The following SCARB2 variants were observed in gnomAD, a reference collection of about 807,000 sequenced individuals.
SCARB2 encodes the protein scavenger receptor class B member 2, also known as lysosome membrane protein 2.
A neutral mutation model predicts 58.6 loss-of-function variants in SCARB2; 29 were observed. The observed-to-expected ratio is 0.49, with a 90% CI of 0.37 to 0.67. SCARB2 has a LOEUF of 0.67. SCARB2 is among the 30% of genes least tolerant of loss of function. SCARB2 has a pLI of 0.00. For synonymous variants in SCARB2, 195 were observed against 210.1 expected, an observed-to-expected ratio of 0.93 and a Z score of 0.62; for missense variants, 488 against 578.5, an observed-to-expected ratio of 0.84 and a Z score of 1.60.
At chr4:76,223,051 A>T (rs1200010802) in intron 1 of SCARB2, among the ~76,000 whole-genome samples, 2 of 152,180 alleles carry the variant, frequency 1.3e-5, no homozygotes, top group Non-Finnish European at 2.9e-5. Flanking sequence ...CTTCAAAGCC[A>T]TATTTTTGTT....
chr4:76,180,866 C>A, intron 3 of SCARB2, 88 bp downstream of exon 3: 2 of 1,130,504 alleles, frequency 1.8e-6, no homozygotes, highest in Non-Finnish European at 2.5e-6. Context: ...AACTTAATGG[C>A]TCCTAAATGT....
At chr4:76,196,381 T>C (rs1312434265) in intron 1 of SCARB2, among the ~76,000 whole-genome samples, 2 of 152,184 alleles carry the variant, frequency 1.3e-5, no homozygotes, top group Non-Finnish European at 2.9e-5. Context: ...AATTAATTAA[T>C]AATTGTAAAG....
rs1560716089 is a variant in SCARB2 at position 76,195,749 on chromosome 4, CCT to C, written c.231_232del (p.Glu79AspfsTer26). 6.2e-7 allele frequency: 1 copy of C among 1,614,084 alleles called. No individual in the cohort carries two copies. On this transcript the variant is annotated frameshift_variant, in exon 2 of 12. Coordinates refer to ENST00000264896, the MANE Select transcript of SCARB2 (RefSeq NM_005506.4). LOFTEE classifies it high-confidence loss of function. ...CACTTCTTCCACCCGAGGGGTCTCCCCTCTGAGGATCTCCTCTGGATTGGTGA... is the reference window on the plus strand; with the variant it reads ...CACTTCTTCCACCCGAGGGGTCTCCCCTGAGGATCTCCTCTGGATTGGTGA...
At position 76,213,661 on chromosome 4, in the gene SCARB2, C is replaced by G. The variant is rs1279133117; in HGVS notation, c.-118G>C. On this transcript the variant is annotated 5_prime_UTR_variant, in exon 1 of 12. Transcript: ENST00000264896. Reference sequence around the variant, plus strand: ...GGACCCTTCGGCGCCACGCCCACGCCCTCCCGGCGCACGGTTCGTGCGCGC... The same window carrying G: ...GGACCCTTCGGCGCCACGCCCACGCGCTCCCGGCGCACGGTTCGTGCGCGC... 1.3e-6 allele frequency: 1 copy of G among 763,458 alleles called. No individual in the cohort carries two copies. Among genetic ancestry groups the G allele is most frequent in the East Asian group, 2.7e-5 (1 of 36,962 alleles). The allele number at this position is 763,458 out of a possible 1,614,324, so 47.3% of individuals were successfully genotyped here.
At chr4:76,222,960 C>T (rs1004850326) in intron 1 of SCARB2, among the ~76,000 whole-genome samples, 5 of 152,130 alleles carry the variant, frequency 3.3e-5, no homozygotes, top group Admixed American at 2.0e-4. Flanking sequence ...GCATGGGAAT[C>T]GACCATGTAG....
upstream of SCARB2, chr4:76,214,182 C>T (rs1408293911): frequency 6.6e-6 from 3 of 452,926 alleles, no homozygotes; most frequent in African/African-American, 4.0e-5. Flanking sequence ...GGACATTCCC[C>T]TGCTCTAGAG....
chr4:76,170,845 G>A (rs17001556), intron 7 of SCARB2, among the ~76,000 whole-genome samples: 4,129 of 151,776 alleles, frequency 0.027, 170 homozygotes, highest in African/African-American at 0.094. Context: ...GAGTTAGCCT[G>A]GTTGTGCTAT....
intron 1 of SCARB2, among the ~76,000 whole-genome samples, chr4:76,196,892 C>T (rs1732724140): frequency 6.6e-6 from 1 of 152,178 alleles, no homozygotes; most frequent in South Asian, 2.1e-4. Context: ...CCCAATACCT[C>T]ACAATGTGCC....
At chr4:76,205,650 G>T (rs1732916103) in intron 1 of SCARB2, among the ~76,000 whole-genome samples, 1 of 152,194 alleles carries the variant, frequency 6.6e-6, no homozygotes, top group East Asian at 1.9e-4. Context: ...TCTCTGGAAA[G>T]TGTGTAAAAT....
chr4:76,198,841 A>AGTGTGTGTGTGT (rs10545527), intron 1 of SCARB2, among the ~76,000 whole-genome samples: 82 of 141,114 alleles, frequency 5.8e-4, no homozygotes, highest in Admixed American at 1.6e-3. Flanking sequence ...AGAGTGAGTG[A>AGTGTGTGTGTGT]GTGTGTGTGT....
At chr4:76,190,386 A>G (rs1244023171) in intron 2 of SCARB2, among the ~76,000 whole-genome samples, 1 of 152,186 alleles carries the variant, frequency 6.6e-6, no homozygotes, top group Non-Finnish European at 1.5e-5. Flanking sequence ...CAGCATTTGC[A>G]CTAAGTAAGA....
chr4:76,223,901 G>T (rs979791261), intron 1 of SCARB2, among the ~76,000 whole-genome samples: 1 of 152,146 alleles, frequency 6.6e-6, no homozygotes, highest in African/African-American at 2.4e-5. Flanking sequence ...GGACATTCAG[G>T]CTTGATCTTT....
intron 2 of SCARB2, among the ~76,000 whole-genome samples, chr4:76,185,893 T>C (rs1578726983): frequency 6.6e-6 from 1 of 152,170 alleles, no homozygotes; most frequent in Admixed American, 6.5e-5. Context: ...AGTTTCCTCA[T>C]CTGTAAAATG....
At chr4:76,175,052 T>C (rs1268685744) in intron 6 of SCARB2, 4 of 149,906 alleles carry the variant, frequency 2.7e-5, no homozygotes, top group African/African-American at 1.0e-4. Flanking sequence ...CCAGAGCTGT[T>C]GATACATCTC....
chr4:76,165,912 G>A (rs1731999577), intron 10 of SCARB2: 1 of 409,918 alleles, frequency 2.4e-6, no homozygotes, highest in South Asian at 2.6e-5. Context: ...AGGGCTAGCT[G>A]GCATCTATCT....
At chr4:76,189,438 C>G (rs1732554711) in intron 2 of SCARB2, among the ~76,000 whole-genome samples, 1 of 151,874 alleles carries the variant, frequency 6.6e-6, no homozygotes, top group Admixed American at 6.6e-5. Context: ...GTGGCAGCAG[C>G]AAGGAGAAGT....
intron 11 of SCARB2, 123 bp downstream of exon 11, chr4:76,163,102 T>A (rs554946859): frequency 1.6e-6 from 2 of 1,253,026 alleles, no homozygotes; most frequent in Admixed American, 3.7e-5. Context: ...GAAATCACTA[T>A]GCCCAGCATA....
chr4:76,192,851 A>C (rs1467667568), intron 2 of SCARB2: 1 of 151,776 alleles, frequency 6.6e-6, no homozygotes, highest in African/African-American at 2.4e-5. Context: ...TGTCTCAAAA[A>C]CAAAACAAAA....
chr4:76,219,093 T>G (rs1337354946), intron 1 of SCARB2, among the ~76,000 whole-genome samples: 2 of 152,204 alleles, frequency 1.3e-5, no homozygotes, highest in Non-Finnish European at 2.9e-5. Flanking sequence ...CCTTAGCCAC[T>G]GCTTGGGACT....
Sources: gnomAD v4.1 joint callset for allele counts (sites outside exome capture counted in the v4.1 genomes callset) on GRCh38, gnomAD v4.1.1 for gene constraint, MANE v1.5 for transcripts, NCBI Gene and HGNC (gene_info 2026-07-23, HGNC 2026-07-21) for gene names.